Variants in GSE1 observed in about 807,000 individuals in gnomAD.
GSE1 encodes genetic suppressor element 1.
GSE1 carries 32 observed loss-of-function variants against 112.6 expected under a neutral mutation model. That is an observed-to-expected ratio of 0.28 (90% CI 0.21 to 0.38). The LOEUF is 0.38. Among genes scored for constraint, GSE1 ranks in the 10% least tolerant of loss-of-function variants. The pLI, the probability that GSE1 is intolerant of heterozygous loss-of-function variation, is 1.00. For missense variants in GSE1, 2,348 were observed against 1,699.2 expected, an observed-to-expected ratio of 1.38 and a Z score of -6.71; for synonymous variants, 1,115 against 735.6, an observed-to-expected ratio of 1.52 and a Z score of -8.35.
intron 1 of GSE1, among the ~76,000 whole-genome samples, chr16:85,233,176 T>G (rs570536046): frequency 6.6e-4 from 100 of 152,392 alleles, no homozygotes; most frequent in African/African-American, 2.3e-3. Flanking sequence ...CCCTTGCTGT[T>G]TCCCTCGTGG....
intron 2 of GSE1, chr16:85,359,207 G>A: frequency 5.7e-6 from 2 of 352,674 alleles, no homozygotes; most frequent in Non-Finnish European, 1.1e-5. Context: ...GAGGACACCA[G>A]TGTTCCCCTG....
At chr16:85,228,476 C>T (rs955237635) in intron 1 of GSE1, among the ~76,000 whole-genome samples, 4 of 152,200 alleles carry the variant, frequency 2.6e-5, no homozygotes, top group Admixed American at 2.0e-4. Context: ...TTTGAACCCC[C>T]ACCCTGCTGT....
At chr16:85,613,479 C>G (rs891206008) in intron 1 of GSE1, 81 bp downstream of exon 1, 1 of 1,304,760 alleles carries the variant, frequency 7.7e-7, no homozygotes, top group African/African-American at 1.6e-5. Context: ...TCGCGGGTTT[C>G]GCGGGGGCGG....
At chr16:85,513,510 GTCCTC>G (rs1567550434) in intron 2 of GSE1, among the ~76,000 whole-genome samples, 1 of 152,064 alleles carries the variant, frequency 6.6e-6, no homozygotes, top group East Asian at 1.9e-4. Flanking sequence ...CGCACCCAAC[GTCCTC>G]TCTTCTCTTC....
intron 1 of GSE1, among the ~76,000 whole-genome samples, chr16:85,267,897 G>A (rs934487219): frequency 2.6e-5 from 4 of 152,140 alleles, no homozygotes; most frequent in Non-Finnish European, 4.4e-5. Flanking sequence ...ACTAACCGTC[G>A]GCCCCAGCTA....
chr16:85,622,013 T>G (rs1008359943), intron 1 of GSE1, among the ~76,000 whole-genome samples: 1 of 152,174 alleles, frequency 6.6e-6, no homozygotes, highest in Non-Finnish European at 1.5e-5. Flanking sequence ...GACTGGGAAA[T>G]TTACTAGTTC....
intron 1 of GSE1, among the ~76,000 whole-genome samples, chr16:85,221,265 G>T (rs1255350800): frequency 6.6e-6 from 1 of 152,026 alleles, no homozygotes; most frequent in African/African-American, 2.4e-5. Flanking sequence ...TGGTTTGCCA[G>T]GGAGGTCAGC....
rs1035225271 is a variant in GSE1, at chr16:85,674,955, A to AG, written c.*2418dup. ...ACGACAATCAGAATACAAACCAGTA[A>AG]GGCAACACGAATAAACTAAGAAAAA... is the stretch of plus-strand genomic sequence containing the variant. On this transcript the variant is annotated 3_prime_UTR_variant, in exon 16 of 16. Transcript: ENST00000253458. 7 of 152,674 alleles carry AG rather than the reference A, an allele frequency of 4.6e-5. No individual in the cohort carries two copies. The highest frequency in any genetic ancestry group is 2.6e-4 in the Admixed American group (4 of 15,286). The allele number at this position is 152,674 out of a possible 1,614,324, so 9.5% of individuals were successfully genotyped here.
At chr16:85,519,545 A>T (rs111172005) in intron 2 of GSE1, among the ~76,000 whole-genome samples, 208 of 326 alleles carry the variant, frequency 0.64, 75 homozygotes, top group African/African-American at 0.73. Flanking sequence ...CATCATCACT[A>T]TTACCACCAT....
chr16:85,334,193 C>T (rs958119910), intron 1 of GSE1, among the ~76,000 whole-genome samples: 2 of 152,226 alleles, frequency 1.3e-5, no homozygotes, highest in African/African-American at 2.4e-5. Flanking sequence ...CTATGATCGA[C>T]TTGGCTCCCT....
Position 85,668,389 on chromosome 16 carries a change from A to C in GSE1, c.3380A>C (p.Glu1127Ala). ...CCCAAGCGCAAGTGGCAAGGGATCGAGGCCGTTTTTGAAGCTTACCAGGAA... is the reference window on the plus strand; with the variant it reads ...CCCAAGCGCAAGTGGCAAGGGATCGCGGCCGTTTTTGAAGCTTACCAGGAA... ...EVPKRKWQGI[E>A]AVFEAYQEHI... The change falls in exon 14 of 16, where the codon GAG becomes GCG. Residue 1127 changes from glutamate to alanine, a missense_variant. Glu to Ala is a moderately radical substitution (Grantham distance 107, BLOSUM62 -1). Coordinates refer to ENST00000253458, the MANE Select transcript of GSE1 (RefSeq NM_014615.5). 6.2e-7 allele frequency: 1 copy of C among 1,611,184 alleles called. No homozygotes were observed. Among genetic ancestry groups the C allele is most frequent in the South Asian group, 1.1e-5 (1 of 90,994 alleles).
intron 2 of GSE1, among the ~76,000 whole-genome samples, chr16:85,503,342 C>T (rs1016567254): frequency 6.6e-6 from 1 of 152,196 alleles, no homozygotes; most frequent in African/African-American, 2.4e-5. Context: ...CAGGTGCAGT[C>T]CTTCCTGCCC....
At position 85,169,580 on chromosome 16, in the gene GSE1, G is replaced by A. The variant is rs1254363171; in HGVS notation, c.56G>A (p.Gly19Asp). ...AAGCAGCGGCTCATGGCAGCCGTGGGCGAGCGGGCTGCGGGCGGCGCGCCG... is the reference window on the plus strand; with the variant it reads ...AAGCAGCGGCTCATGGCAGCCGTGGACGAGCGGGCTGCGGGCGGCGCGCCG... The change falls in exon 1 of 3, where the codon GGC becomes GAC. Residue 19 changes from glycine (G) to aspartate (D), a missense_variant. By Grantham distance (94) the Gly-to-Asp change is moderately conservative. Coordinates refer to the GSE1 transcript ENST00000637419. 3 of 981,464 alleles carry A rather than the reference G, an allele frequency of 3.1e-6. No homozygotes were observed. In the African/African-American group the frequency reaches 5.3e-5, roughly 17 times the overall value. 60.8% of individuals were successfully genotyped at this position (981,464 alleles called of 1,614,324 possible).
At chr16:85,403,486 G>C (rs1467595034) in intron 2 of GSE1, among the ~76,000 whole-genome samples, 2 of 152,086 alleles carry the variant, frequency 1.3e-5, no homozygotes, top group Non-Finnish European at 2.9e-5. Flanking sequence ...CTCTTCAAGG[G>C]AGGGATAAAA....
intron 1 of GSE1, among the ~76,000 whole-genome samples, chr16:85,335,548 G>T (rs767594144): frequency 6.6e-6 from 1 of 152,204 alleles, no homozygotes; most frequent in African/African-American, 2.4e-5. Flanking sequence ...TGGGTTTGTG[G>T]GGTGAGGGAG....
chr16:85,420,497 C>A (rs1160137107), intron 2 of GSE1, among the ~76,000 whole-genome samples: 11 of 151,600 alleles, frequency 7.3e-5, no homozygotes, highest in Admixed American at 7.2e-4. Flanking sequence ...CTGCGGAGGA[C>A]CCTGGGGCTT....
intron 1 of GSE1, among the ~76,000 whole-genome samples, chr16:85,183,973 G>A (rs547681560): frequency 1.4e-4 from 21 of 152,274 alleles, no homozygotes; most frequent in African/African-American, 3.1e-4. Context: ...GTAAAAACTC[G>A]GTAATTGTTC....
chr16:85,517,130 G>A (rs939253958), intron 2 of GSE1, among the ~76,000 whole-genome samples: 1 of 152,288 alleles, frequency 6.6e-6, no homozygotes, highest in Admixed American at 6.5e-5. Context: ...GGTGGGTGGG[G>A]GCTTCTGCCT....
At chr16:85,445,732 C>G (rs535588207) in intron 2 of GSE1, among the ~76,000 whole-genome samples, 6 of 152,180 alleles carry the variant, frequency 3.9e-5, no homozygotes, top group African/African-American at 7.2e-5. Context: ...TCTCCTGGCT[C>G]GAGGGAGAGC....
Sources: allele counts gnomAD v4.1 joint callset (sites outside exome capture counted in the v4.1 genomes callset), GRCh38; gene constraint gnomAD v4.1.1; transcripts MANE v1.5; gene names NCBI Gene and HGNC (gene_info 2026-07-23, HGNC 2026-07-21).